Variants in DMD observed in about 807,000 individuals in gnomAD.
DMD encodes mutant dystrophin.
In DMD, 63 loss-of-function variants were observed where a neutral mutation model predicts 330.1. That is an observed-to-expected ratio of 0.19 (90% CI 0.16 to 0.24). The LOEUF is 0.24. Ranked by LOEUF, DMD falls within the 10% of genes least tolerant of loss-of-function variation. The pLI is 1.00. For synonymous variants in DMD, 1,223 were observed against 959.8 expected, an observed-to-expected ratio of 1.27 and a Z score of -5.07; for missense variants, 3,344 against 2,684.1, an observed-to-expected ratio of 1.25 and a Z score of -5.43.
chrX:31,332,925 G>A (rs1008452522), intron 61 of DMD, among the ~76,000 whole-genome samples: 7 of 111,918 alleles, frequency 6.3e-5, no homozygotes, highest in African/African-American at 2.3e-4. Context: ...GAATCCCAGG[G>A]TAACCAGGAA....
intron 1 of DMD, among the ~76,000 whole-genome samples, chrX:33,113,020 T>C (rs138454259): frequency 0.022 from 2,440 of 108,601 alleles, 42 homozygotes; most frequent in Non-Finnish European, 0.034. Flanking sequence ...CTGGATACCG[T>C]CCATTGTATT....
chrX:31,457,236 A>C (rs769683328), intron 59 of DMD, among the ~76,000 whole-genome samples: 2 of 111,375 alleles, frequency 1.8e-5, no homozygotes, highest in Admixed American at 9.6e-5. Context: ...AAGAAGTAAC[A>C]ATGGCCAGAA....
At chrX:32,487,042 C>T (rs1476377342) in intron 20 of DMD, among the ~76,000 whole-genome samples, 1 of 111,004 alleles carries the variant, frequency 9.0e-6, no homozygotes, top group Non-Finnish European at 1.9e-5. Flanking sequence ...GCAAAAGAAA[C>T]TACCATCAGA....
At chrX:31,524,694 G>C (rs751338463) in intron 55 of DMD, among the ~76,000 whole-genome samples, 1 of 112,174 alleles carries the variant, frequency 8.9e-6, no homozygotes, top group Admixed American at 9.5e-5. Context: ...CCTTCGTTCT[G>C]TCTCTTAGAA....
At chrX:32,727,692 A>T (rs1470369034) in intron 7 of DMD, among the ~76,000 whole-genome samples, 1 of 110,895 alleles carries the variant, frequency 9.0e-6, no homozygotes, top group Non-Finnish European at 1.9e-5. Flanking sequence ...TTTGTTGATG[A>T]TTTTCTCTTA....
chrX:31,125,276 A>G (rs1350267410), intron 78 of DMD, among the ~76,000 whole-genome samples: 3 of 112,053 alleles, frequency 2.7e-5, no homozygotes, highest in Non-Finnish European at 5.6e-5. Flanking sequence ...GGGGCATTCA[A>G]TGCTTCACCA....
intron 1 of DMD, among the ~76,000 whole-genome samples, chrX:33,291,567 A>T (rs990132419): frequency 9.0e-6 from 1 of 111,523 alleles, no homozygotes; most frequent in Admixed American, 9.6e-5. Flanking sequence ...TTATTATAAT[A>T]ATTATTATTT....
intron 2 of DMD, among the ~76,000 whole-genome samples, chrX:32,874,048 G>A (rs777691289): frequency 3.6e-5 from 4 of 111,877 alleles, no homozygotes; most frequent in African/African-American, 9.7e-5. Context: ...AACCTCAACT[G>A]GTGCTCCTAG....
chrX:32,228,175 ATTAT>A (rs1409419043), intron 43 of DMD, among the ~76,000 whole-genome samples: 1 of 111,451 alleles, frequency 9.0e-6, no homozygotes, highest in Non-Finnish European at 1.9e-5. Context: ...TTGGTATCTG[ATTAT>A]TTAACTCCTT....
At chrX:32,735,090 C>T (rs2148098706) in intron 7 of DMD, among the ~76,000 whole-genome samples, 1 of 109,781 alleles carries the variant, frequency 9.1e-6, no homozygotes, top group African/African-American at 3.4e-5. Context: ...AATCAATGTA[C>T]AAAAATCACA....
chrX:32,785,520 T>A (rs934379857), intron 7 of DMD, among the ~76,000 whole-genome samples: 6 of 111,438 alleles, frequency 5.4e-5, no homozygotes, highest in African/African-American at 1.9e-4. Flanking sequence ...AGGTAAGGAG[T>A]ATTATCATTT....
At chrX:32,969,027 C>CCAAAAAAAAAAAAAAAAAAAAAAAAAAA (rs2092280100) in intron 2 of DMD, among the ~76,000 whole-genome samples, 1 of 19,813 alleles carries the variant, frequency 5.0e-5, no homozygotes, top group African/African-American at 1.6e-4. Flanking sequence ...GATTCTGTCT[C>CCAAAAAAAAAAAAAAAAAAAAAAAAAAA]AAAAAAAAAA....
At chrX:32,797,737 T>A (rs1289189557) in intron 7 of DMD, among the ~76,000 whole-genome samples, 1 of 111,790 alleles carries the variant, frequency 8.9e-6, no homozygotes, top group Non-Finnish European at 1.9e-5. Flanking sequence ...AATTTATTAA[T>A]GTCTTGTCAA....
chrX:32,357,813 A>C (rs1439335807), intron 37 of DMD, among the ~76,000 whole-genome samples: 2 of 110,596 alleles, frequency 1.8e-5, no homozygotes, highest in African/African-American at 3.3e-5. Flanking sequence ...ATCATCCACA[A>C]CTAAGTTTTA....
chrX:31,369,697 A>G (rs2059441061), intron 60 of DMD, among the ~76,000 whole-genome samples: 1 of 110,921 alleles, frequency 9.0e-6, no homozygotes, highest in Admixed American at 9.6e-5. Flanking sequence ...CAAGAAACAT[A>G]GAAGGTGGCT....
At chrX:33,176,513 G>A (rs888677032) in intron 1 of DMD, among the ~76,000 whole-genome samples, 1 of 110,591 alleles carries the variant, frequency 9.0e-6, no homozygotes, top group African/African-American at 3.3e-5. Context: ...TGGATTCAGG[G>A]ATTCACAAGA....
intron 57 of DMD, among the ~76,000 whole-genome samples, chrX:31,481,290 G>A (rs1012340018): frequency 6.2e-5 from 7 of 112,181 alleles, no homozygotes; most frequent in African/African-American, 2.3e-4. Flanking sequence ...AGTGGCACAG[G>A]AATATGTGTG....
At chrX:32,590,974 G>T (rs745516121) in intron 13 of DMD, among the ~76,000 whole-genome samples, 1 of 111,379 alleles carries the variant, frequency 9.0e-6, no homozygotes, top group African/African-American at 3.3e-5. Flanking sequence ...TGTCCTTCTA[G>T]AGAACCTTAA....
At chrX:32,946,648 C>A (rs941828654) in intron 2 of DMD, among the ~76,000 whole-genome samples, 2 of 112,154 alleles carry the variant, frequency 1.8e-5, no homozygotes, top group African/African-American at 6.5e-5. Flanking sequence ...TCAAATTAAT[C>A]ATATTCAATG....
Sources: gnomAD v4.1 joint callset for allele counts (sites outside exome capture counted in the v4.1 genomes callset) on GRCh38, gnomAD v4.1.1 for gene constraint, MANE v1.5 for transcripts, NCBI Gene and HGNC (gene_info 2026-07-23, HGNC 2026-07-21) for gene names.